The following MTMR3 variants were observed in gnomAD, a reference collection of about 807,000 sequenced individuals.
MTMR3 encodes myotubularin related protein 3.
Under a neutral mutation model 132.4 loss-of-function variants are expected in MTMR3, and 32 were observed. The observed-to-expected ratio is 0.24, with a 90% CI of 0.18 to 0.32. The LOEUF (loss-of-function observed/expected upper bound fraction) is 0.32, where lower values mean the gene tolerates loss of function less well. MTMR3 is among the 10% of genes least tolerant of loss of function. MTMR3 has a pLI of 1.00. For missense variants in MTMR3, 1,216 were observed against 1,489.6 expected (o/e 0.82, Z 3.02); for synonymous variants, 556 against 550.3 (o/e 1.01, Z -0.14).
At chr22:29,991,474 T>A in intron 6 of MTMR3, 30 bp from the exon 7 acceptor site, 2 of 1,579,978 alleles carry the variant, frequency 1.3e-6, no homozygotes, top group Non-Finnish European at 1.7e-6. Flanking sequence ...GTCTTCTGAT[T>A]ACATCCATAC....
chr22:29,903,227 AAAAAT>A (rs1025334299), intron 1 of MTMR3, among the ~76,000 whole-genome samples: 16 of 152,298 alleles, frequency 1.1e-4, no homozygotes, highest in Middle Eastern at 3.4e-3. Flanking sequence ...TCCATCTCAA[AAAAAT>A]AAAATAAAAA....
intron 2 of MTMR3, among the ~76,000 whole-genome samples, chr22:29,962,752 A>G (rs2066336513): frequency 6.6e-6 from 1 of 151,974 alleles, no homozygotes; most frequent in Admixed American, 6.6e-5. Context: ...GCACCCACTA[A>G]TCTGCTTTCT....
intron 1 of MTMR3, among the ~76,000 whole-genome samples, chr22:29,884,224 T>C (rs550562362): frequency 5.9e-5 from 9 of 152,250 alleles, no homozygotes; most frequent in African/African-American, 2.2e-4. Flanking sequence ...TGTTGTAGTA[T>C]CTTGATTCTG....
intron 1 of MTMR3, among the ~76,000 whole-genome samples, chr22:29,930,627 G>C (rs1049607835): frequency 7.2e-5 from 11 of 152,344 alleles, no homozygotes; most frequent in African/African-American, 2.4e-4. Context: ...GGAAGGTCAA[G>C]GCTGCAGTGA....
chr22:29,921,911 C>G (rs1406905747), intron 1 of MTMR3, among the ~76,000 whole-genome samples: 3 of 149,060 alleles, frequency 2.0e-5, no homozygotes, highest in African/African-American at 7.5e-5. Context: ...TGCGGTGGTG[C>G]CATCTCGGCT....
chr22:29,889,284 CTTTTTTTTTT>C, intron 1 of MTMR3, among the ~76,000 whole-genome samples: 1 of 116,370 alleles, frequency 8.6e-6, no homozygotes, highest in Admixed American at 9.2e-5. Context: ...AGCTACGGAA[CTTTTTTTTTT>C]TTTTTTTTTT....
intron 1 of MTMR3, among the ~76,000 whole-genome samples, chr22:29,934,504 A>G (rs2065709747): frequency 6.6e-6 from 1 of 152,132 alleles, no homozygotes; most frequent in Non-Finnish European, 1.5e-5. Context: ...TAATTTCTGG[A>G]GTTTTCTCTT....
intron 1 of MTMR3, among the ~76,000 whole-genome samples, chr22:29,891,034 A>G (rs1262782186): frequency 3.3e-5 from 5 of 152,078 alleles, no homozygotes; most frequent in Non-Finnish European, 7.3e-5. Flanking sequence ...TTTAGAAAAA[A>G]AAAAAAGATG....
chr22:29,938,426 G>A (rs904755589), intron 1 of MTMR3, among the ~76,000 whole-genome samples: 2 of 152,210 alleles, frequency 1.3e-5, no homozygotes, highest in Admixed American at 1.3e-4. Flanking sequence ...TCAAGAGCCT[G>A]GACACCAGCT....
intron 5 of MTMR3, 25 bp from the exon 6 acceptor site, chr22:29,988,455 G>A: frequency 1.3e-6 from 2 of 1,572,400 alleles, no homozygotes; most frequent in Non-Finnish European, 1.7e-6. Flanking sequence ...TTGACTAAGA[G>A]GACTTCATTT....
chr22:29,915,662 G>T (rs1045283864), intron 1 of MTMR3, among the ~76,000 whole-genome samples: 1 of 152,148 alleles, frequency 6.6e-6, no homozygotes, highest in Non-Finnish European at 1.5e-5. Context: ...GACTTTAGGT[G>T]ATCCACCCGC....
In MTMR3 at chr22:30,020,732, G is replaced by A. The variant is rs778813961; in HGVS notation, c.3073G>A (p.Asp1025Asn). Residue 1025 changes from aspartate to asparagine, a missense_variant, in exon 17 of 20, where the codon GAC becomes AAC. Transcript: ENST00000401950. ...CGATGATGGCATGTCAGTGTACACA[G>A]ACACGATCCAACAGCGCCTGCGTCA... ...LDDDGMSVYT[D>N]TIQQRLRQIE... 9.9e-6 allele frequency: 16 copies of A among 1,614,238 alleles called. No individual in the cohort carries two copies. Among genetic ancestry groups the A allele is most frequent in the Non-Finnish European group, 1.4e-5 (16 of 1,180,046 alleles).
intron 3 of MTMR3, among the ~76,000 whole-genome samples, chr22:29,972,589 GA>G (rs1201301890): frequency 1.3e-5 from 2 of 151,980 alleles, no homozygotes; most frequent in African/African-American, 2.4e-5. Flanking sequence ...CTTTTTTCTT[GA>G]GACAGAGTCT....
At chr22:30,007,465 A>G (rs1456061430) in intron 10 of MTMR3, 146 bp downstream of exon 10, 6 of 788,806 alleles carry the variant, frequency 7.6e-6, no homozygotes, top group Admixed American at 2.6e-5. Flanking sequence ...TTGAGGAGTC[A>G]TGGGTCTTGG....
intron 1 of MTMR3, among the ~76,000 whole-genome samples, chr22:29,884,004 C>T (rs1032811152): frequency 6.6e-6 from 1 of 152,170 alleles, no homozygotes; most frequent in African/African-American, 2.4e-5. Context: ...AGTAATTTTG[C>T]TTGATGTATG....
chr22:29,893,512 TC>T (rs1251310511), intron 1 of MTMR3, among the ~76,000 whole-genome samples: 1 of 152,176 alleles, frequency 6.6e-6, no homozygotes, highest in Non-Finnish European at 1.5e-5. Flanking sequence ...CAGGTATGAT[TC>T]CCCTCACCTT....
rs977143006 is a variant in MTMR3 at position 29,935,204 on chromosome 22, T to G, written c.-137-21832T>G. ...ACTATAGTATTTGATCAATTTACAA[T>G]AGGACATTAGTGGTAGAGCTAATAT... On this transcript the variant is annotated intron_variant, in intron 1 of 19. Coordinates refer to ENST00000401950, the MANE Select transcript of MTMR3 (RefSeq NM_021090.4). Among the ~76,000 whole-genome samples, 3 of 152,202 alleles carry G rather than the reference T, an allele frequency of 2.0e-5. No individual in the cohort carries two copies. In the South Asian group the frequency reaches 6.2e-4, roughly 32 times the overall value.
chr22:29,997,819 A>G (rs1384565964), intron 7 of MTMR3: 1 of 152,148 alleles, frequency 6.6e-6, no homozygotes, highest in Non-Finnish European at 1.5e-5. Context: ...ACATGAGGCT[A>G]TTTGTTGCTT....
intron 1 of MTMR3, among the ~76,000 whole-genome samples, chr22:29,884,170 T>C (rs2064615809): frequency 6.6e-6 from 1 of 152,192 alleles, no homozygotes; most frequent in African/African-American, 2.4e-5. Flanking sequence ...CTATTACATA[T>C]TGATGTTCAA....
Sources: gnomAD v4.1 joint callset for allele counts (sites outside exome capture counted in the v4.1 genomes callset) on GRCh38, gnomAD v4.1.1 for gene constraint, MANE v1.5 for transcripts, NCBI Gene and HGNC (gene_info 2026-07-23, HGNC 2026-07-21) for gene names.